ATP11A: variants seen among roughly 807,000 people sequenced by gnomAD.
ATP11A encodes ATPase phospholipid transporting 11A, also known as phospholipid-transporting ATPase IH.
ATP11A carries 81 observed loss-of-function variants against 154.4 expected under a neutral mutation model. The observed-to-expected ratio is 0.52, with a 90% CI of 0.44 to 0.63. The LOEUF (loss-of-function observed/expected upper bound fraction) is 0.63, where lower values mean the gene tolerates loss of function less well. Ranked by LOEUF, ATP11A falls within the 30% of genes least tolerant of loss-of-function variation. ATP11A has a pLI of 0.00. For synonymous variants in ATP11A, 623 were observed against 585.9 expected, an observed-to-expected ratio of 1.06 and a Z score of -0.91; for missense variants, 1,316 against 1,474.3, an observed-to-expected ratio of 0.89 and a Z score of 1.76.
intron 1 of ATP11A, among the ~76,000 whole-genome samples, chr13:112,755,068 C>T (rs1391440682): frequency 6.6e-6 from 1 of 152,264 alleles, no homozygotes; most frequent in Non-Finnish European, 1.5e-5. Flanking sequence ...TCAGGAGGAC[C>T]ACTGTGGGCC....
At position 112,882,563 on chromosome 13, in the gene ATP11A, G is replaced by T; in HGVS notation, c.*697G>T. 2.4e-6 allele frequency: 1 copy of T among 412,158 alleles called. No individual in the cohort carries two copies. The highest frequency in any genetic ancestry group is 1.2e-4 in the South Asian group (1 of 8,346). The allele number at this position is 412,158 out of a possible 1,614,324, so 25.5% of individuals were successfully genotyped here. ...CGCCGTACCCTGCTCATCTGGGAGT[G>T]GTTTCCCTGCGGTTACGTCCAAGCC... On this transcript the variant is annotated 3_prime_UTR_variant, in exon 30 of 30. Coordinates refer to ENST00000375645, the MANE Select transcript of ATP11A (RefSeq NM_015205.3). The surrounding 1 kb of genome is among the most constrained non-coding windows in gnomAD (Gnocchi z 5.1).
At chr13:112,773,129 T>C (rs1367857835) in intron 1 of ATP11A, among the ~76,000 whole-genome samples, 1 of 152,104 alleles carries the variant, frequency 6.6e-6, no homozygotes, top group Non-Finnish European at 1.5e-5. Flanking sequence ...CCATGGCCCA[T>C]CCATCTCTCT....
intron 1 of ATP11A, among the ~76,000 whole-genome samples, chr13:112,760,961 GA>G (rs2076947861): frequency 6.6e-6 from 1 of 152,202 alleles, no homozygotes; most frequent in Non-Finnish European, 1.5e-5. Context: ...ACCGAGGTAT[GA>G]AAATATTAAC....
At chr13:112,756,220 A>G (rs141763395) in intron 1 of ATP11A, among the ~76,000 whole-genome samples, 1 of 152,374 alleles carries the variant, frequency 6.6e-6, no homozygotes, top group African/African-American at 2.4e-5. Flanking sequence ...AGTCTGTGAA[A>G]CAGGTTAGAT....
In ATP11A at chr13:112,882,068, A is replaced by G; in HGVS notation, c.*202A>G. Reference sequence around the variant, plus strand: ...CCGTGTGGGAATGCTCGTGTGATGGATGGTCCTAAGCCTGTGGAGACTGTG... The same window carrying G: ...CCGTGTGGGAATGCTCGTGTGATGGGTGGTCCTAAGCCTGTGGAGACTGTG... On this transcript the variant is annotated 3_prime_UTR_variant, in exon 30 of 30. Transcript: ENST00000375645. This position sits in a 1 kb window ranked among gnomAD's most constrained non-coding sequence, Gnocchi z 5.1. 1 of 1,367,364 alleles carries G rather than the reference A, an allele frequency of 7.3e-7. No individual in the cohort carries two copies. Among genetic ancestry groups the G allele is most frequent in the Non-Finnish European group, 9.8e-7 (1 of 1,021,936 alleles). 84.7% of individuals were successfully genotyped at this position (1,367,364 alleles called of 1,614,324 possible).
At chr13:112,767,959 C>T (rs1200867233) in intron 1 of ATP11A, among the ~76,000 whole-genome samples, 10 of 152,142 alleles carry the variant, frequency 6.6e-5, no homozygotes, top group Admixed American at 6.6e-4. Context: ...CCCCACCAAG[C>T]GCTGGTCACA....
chr13:112,812,088 G>A (rs1178038275), intron 5 of ATP11A: 1 of 152,124 alleles, frequency 6.6e-6, no homozygotes, highest in African/African-American at 2.4e-5. Flanking sequence ...TTTTAAATCT[G>A]TTTCAAATGA....
chr13:112,708,558 A>T (rs1242853499), intron 1 of ATP11A, among the ~76,000 whole-genome samples: 2 of 152,268 alleles, frequency 1.3e-5, no homozygotes, highest in African/African-American at 4.8e-5. Context: ...AGGAGTATTA[A>T]TGGCTTTTCC....
In ATP11A at chr13:112,690,526, C is replaced by A. The variant is rs1885029501; in HGVS notation, c.39+71C>A. ...CGCGGGCCGGCCCCGCAGCCCGGAC[C>A]CTGTGGCCGGTCCAGCCCCGGGGTC... On this transcript the variant is annotated intron_variant, in intron 1 of 29. Coordinates refer to ENST00000375645, the MANE Select transcript of ATP11A (RefSeq NM_015205.3). The surrounding 1 kb of genome is among the most constrained non-coding windows in gnomAD (Gnocchi z 5.6). 2.4e-6 allele frequency: 3 copies of A among 1,248,386 alleles called. No individual in the cohort carries two copies. Among genetic ancestry groups the A allele is most frequent in the Non-Finnish European group, 3.0e-6 (3 of 992,042 alleles). The allele number at this position is 1,248,386 out of a possible 1,614,324, so 77.3% of individuals were successfully genotyped here. A position where few individuals can be genotyped will look rare whatever the true frequency, so the allele number is the denominator to read the frequency against.
chr13:112,865,478 C>T (rs2080299497), intron 25 of ATP11A, among the ~76,000 whole-genome samples: 2 of 152,270 alleles, frequency 1.3e-5, no homozygotes, highest in African/African-American at 4.8e-5. Flanking sequence ...AGCTCTGGGT[C>T]ACTTTAAAGA....
chr13:112,863,174 G>T (rs28520843), intron 25 of ATP11A, among the ~76,000 whole-genome samples: 1 of 41,490 alleles, frequency 2.4e-5, no homozygotes, highest in Non-Finnish European at 4.8e-5. Context: ...GCTTCCCAGC[G>T]GGGTCCATCA....
intron 1 of ATP11A, among the ~76,000 whole-genome samples, chr13:112,707,080 G>A (rs912693347): frequency 2.0e-5 from 3 of 152,178 alleles, no homozygotes; most frequent in Non-Finnish European, 2.9e-5. Flanking sequence ...CCCAGGAGCC[G>A]CTGGGAACCA....
At chr13:112,723,668 G>A (rs993099336) in intron 1 of ATP11A, among the ~76,000 whole-genome samples, 1 of 152,046 alleles carries the variant, frequency 6.6e-6, no homozygotes, top group Non-Finnish European at 1.5e-5. Flanking sequence ...GGAGGTATGT[G>A]TAACCTCTGT....
chr13:112,840,171 C>G (rs1398385218), intron 16 of ATP11A, among the ~76,000 whole-genome samples: 3,298 of 69,478 alleles, frequency 0.047, 422 homozygotes, highest in East Asian at 0.098. Context: ...CTCCCATCCC[C>G]CCCAGCCTCA....
chr13:112,757,867 G>A (rs996354450), intron 1 of ATP11A, among the ~76,000 whole-genome samples: 7 of 152,192 alleles, frequency 4.6e-5, no homozygotes, highest in South Asian at 2.1e-4. Context: ...GCAGAAAGGC[G>A]AGGTTCTGGC....
In ATP11A at chr13:112,886,184, G is replaced by C. The variant is rs2080978453; in HGVS notation, c.*4318G>C. On this transcript the variant is annotated 3_prime_UTR_variant, in exon 30 of 30. Transcript: ENST00000375645. The stretch of plus-strand genomic sequence containing the variant: ...ACAAGCAGGCCACACCGTCTCGAGG[G>C]AGGAGGCCAGATGCGGCCAGCGTCT... 1 of 152,276 alleles carries C rather than the reference G, an allele frequency of 6.6e-6. No homozygotes were observed. The highest frequency in any genetic ancestry group is 1.5e-5 in the Non-Finnish European group (1 of 68,066). The allele number at this position is 152,276 out of a possible 1,614,324, so 9.4% of individuals were successfully genotyped here.
intron 2 of ATP11A, among the ~76,000 whole-genome samples, chr13:112,789,012 T>G (rs1013759803): frequency 6.6e-6 from 1 of 151,706 alleles, no homozygotes; most frequent in African/African-American, 2.4e-5. Flanking sequence ...ACATTGAGCA[T>G]CCTGACATGT....
intron 1 of ATP11A, among the ~76,000 whole-genome samples, chr13:112,718,945 G>T (rs1454859734): frequency 6.6e-6 from 1 of 152,218 alleles, no homozygotes; most frequent in East Asian, 1.9e-4. Context: ...CTCCCAAAGT[G>T]CCGGGATTAC....
At chr13:112,835,376 A>G (rs2079204026) in intron 15 of ATP11A, among the ~76,000 whole-genome samples, 1 of 152,198 alleles carries the variant, frequency 6.6e-6, no homozygotes, top group Admixed American at 6.5e-5. Context: ...ATTCTTAGGG[A>G]AAATAAACTC....
Sources: gnomAD v4.1 joint callset for allele counts (sites outside exome capture counted in the v4.1 genomes callset) on GRCh38, gnomAD v4.1.1 for gene constraint, Gnocchi (gnomAD v3.1) non-coding constraint, MANE v1.5 for transcripts, NCBI Gene and HGNC (gene_info 2026-07-23, HGNC 2026-07-21) for gene names.